CNTNAP2: variants seen among roughly 807,000 people sequenced by gnomAD.
CNTNAP2 encodes contactin associated protein 2, also known as contactin-associated protein-like 2.
Under a neutral mutation model 155.2 loss-of-function variants are expected in CNTNAP2, and 98 were observed. The ratio of observed to expected loss-of-function variants is 0.63; its 90% CI spans 0.54 to 0.75. CNTNAP2 has a LOEUF of 0.75. Ranked by LOEUF, CNTNAP2 falls within the 30% of genes least tolerant of loss-of-function variation. The pLI, the probability that CNTNAP2 is intolerant of heterozygous loss-of-function variation, is 0.00. For missense variants in CNTNAP2, 1,727 were observed against 1,688.1 expected, an observed-to-expected ratio of 1.02 and a Z score of -0.40; for synonymous variants, 651 against 631.2, an observed-to-expected ratio of 1.03 and a Z score of -0.47.
chr7:146,528,878 A>C (rs1797728660), intron 1 of CNTNAP2, among the ~76,000 whole-genome samples: 1 of 152,188 alleles, frequency 6.6e-6, no homozygotes, highest in Non-Finnish European at 1.5e-5. Flanking sequence ...ATCACACTGC[A>C]GTTACAGAAA....
At chr7:147,390,407 C>A (rs1231107108) in intron 9 of CNTNAP2, among the ~76,000 whole-genome samples, 1 of 152,068 alleles carries the variant, frequency 6.6e-6, no homozygotes, top group Admixed American at 6.6e-5. Context: ...TGTAAGAGGC[C>A]AGTAATTTAG....
chr7:148,253,729 G>T lies in CNTNAP2; in HGVS notation c.3382-13304G>T, dbSNP rs1796411197. Among the ~76,000 whole-genome samples the T allele has an allele frequency of 2.0e-5, 3 of 152,310 alleles. No individual in the cohort carries two copies. In the South Asian group the frequency reaches 6.2e-4, roughly 32 times the overall value. On this transcript the variant is annotated intron_variant, in intron 20 of 23. Transcript: ENST00000361727. ...CATCTGTGCTCTGGGTGGCCCATGG[G>T]ATGAGTGTACTACTGGGCAGGTGTA...
chr7:147,711,358 T>C (rs1430351298), intron 13 of CNTNAP2, among the ~76,000 whole-genome samples: 1 of 152,176 alleles, frequency 6.6e-6, no homozygotes, highest in Non-Finnish European at 1.5e-5. Flanking sequence ...AGAGAGCTCA[T>C]GCATACATGA....
At chr7:146,247,315 G>C (rs140998657) in intron 1 of CNTNAP2, among the ~76,000 whole-genome samples, 87 of 152,286 alleles carry the variant, frequency 5.7e-4, no homozygotes, top group African/African-American at 2.0e-3. Flanking sequence ...AGCAGGTGCC[G>C]GAGGGCTAGA....
chr7:148,053,971 C>CT (rs531701824), intron 15 of CNTNAP2, among the ~76,000 whole-genome samples: 30,065 of 127,136 alleles, frequency 0.24, 3,923 homozygotes, highest in Middle Eastern at 0.32. Context: ...AATTCCACTT[C>CT]TTTTTTTTTT....
chr7:146,371,365 G>GT (rs58066282), intron 1 of CNTNAP2, among the ~76,000 whole-genome samples: 5,769 of 98,134 alleles, frequency 0.059, 869 homozygotes, highest in African/African-American at 0.2. Flanking sequence ...GCCAGTATTA[G>GT]TTTTTTTTTT....
At chr7:146,322,702 T>C (rs1439541715) in intron 1 of CNTNAP2, among the ~76,000 whole-genome samples, 1 of 138,362 alleles carries the variant, frequency 7.2e-6, no homozygotes, top group East Asian at 2.4e-4. Context: ...TCAATATTTG[T>C]TGAGTGAATA....
intron 21 of CNTNAP2, among the ~76,000 whole-genome samples, chr7:148,369,158 T>A (rs981388689): frequency 7.9e-4 from 49 of 62,188 alleles, no homozygotes; most frequent in South Asian, 6.0e-4. Flanking sequence ...ATTTTTATAT[T>A]TTTTTTAATT....
Position 147,503,456 on chromosome 7 carries a change from A to ACT in CNTNAP2, c.1777+17420_1777+17421dup, listed in dbSNP as rs536563470. Among the ~76,000 whole-genome samples, 679 of 151,874 alleles carry ACT rather than the reference A, an allele frequency of 4.5e-3. 3 individuals are homozygous for ACT. Among genetic ancestry groups the ACT allele is most frequent in the African/African-American group, 0.016 (646 of 41,392 alleles). The stretch of plus-strand genomic sequence containing the variant: ...TTGGGTGGAAGTGAGCTTTTGCAGG[A>ACT]CTCTCTACACCCCGCTTTGCCACAC... On this transcript the variant is annotated intron_variant, in intron 11 of 23. Coordinates refer to ENST00000361727, the MANE Select transcript of CNTNAP2 (RefSeq NM_014141.6).
intron 14 of CNTNAP2, among the ~76,000 whole-genome samples, chr7:147,936,296 T>C (rs1453328149): frequency 9.0e-6 from 1 of 111,622 alleles, no homozygotes; most frequent in Non-Finnish European, 2.0e-5. Flanking sequence ...ACGACATTTA[T>C]TTTATTTTTT....
At chr7:148,335,257 C>T (rs765530606) in intron 21 of CNTNAP2, among the ~76,000 whole-genome samples, 1 of 152,160 alleles carries the variant, frequency 6.6e-6, no homozygotes, top group Non-Finnish European at 1.5e-5. Flanking sequence ...TCTCTAATAC[C>T]TCAACTCATA....
intron 2 of CNTNAP2, among the ~76,000 whole-genome samples, chr7:146,826,618 G>T (rs1803405598): frequency 6.6e-6 from 1 of 152,008 alleles, no homozygotes; most frequent in African/African-American, 2.4e-5. Context: ...CACAGGAGGG[G>T]ATGTGCTAAT....
intron 1 of CNTNAP2, among the ~76,000 whole-genome samples, chr7:146,122,268 A>G (rs1398050726): frequency 6.6e-6 from 1 of 152,188 alleles, no homozygotes; most frequent in African/African-American, 2.4e-5. Flanking sequence ...CTCTGCACTA[A>G]TAGTGATAGC....
chr7:146,662,021 G>T (rs969498413), intron 1 of CNTNAP2, among the ~76,000 whole-genome samples: 6 of 152,004 alleles, frequency 3.9e-5, no homozygotes, highest in Admixed American at 2.0e-4. Flanking sequence ...TTTTAATGTA[G>T]TTTTAAACTG....
chr7:147,353,697 G>A (rs188315440), intron 9 of CNTNAP2, among the ~76,000 whole-genome samples: 1 of 151,920 alleles, frequency 6.6e-6, no homozygotes, highest in Non-Finnish European at 1.5e-5. Context: ...GTATTTCTGG[G>A]TCTAGATCCT....
intron 12 of CNTNAP2, among the ~76,000 whole-genome samples, chr7:147,581,970 T>A (rs1278228318): frequency 6.6e-6 from 1 of 152,168 alleles, no homozygotes; most frequent in Non-Finnish European, 1.5e-5. Flanking sequence ...CCTTGTGCTG[T>A]AAGATATGAA....
intron 1 of CNTNAP2, among the ~76,000 whole-genome samples, chr7:146,336,600 A>G (rs1476774267): frequency 2.0e-5 from 3 of 152,198 alleles, no homozygotes; most frequent in Non-Finnish European, 4.4e-5. Flanking sequence ...CTACGAAAGT[A>G]AAAAATGTAT....
At chr7:146,307,294 A>G (rs917139858) in intron 1 of CNTNAP2, among the ~76,000 whole-genome samples, 2 of 152,258 alleles carry the variant, frequency 1.3e-5, no homozygotes, top group African/African-American at 4.8e-5. Context: ...ACATCTTCAA[A>G]GAGAACTACA....
At chr7:147,821,849 A>G (rs544991975) in intron 13 of CNTNAP2, among the ~76,000 whole-genome samples, 1 of 152,182 alleles carries the variant, frequency 6.6e-6, no homozygotes, top group African/African-American at 2.4e-5. Context: ...GAAATGAAAA[A>G]CTACTAAAAG....
Sources: allele counts gnomAD v4.1 joint callset (sites outside exome capture counted in the v4.1 genomes callset), GRCh38; gene constraint gnomAD v4.1.1; transcripts MANE v1.5; gene names NCBI Gene and HGNC (gene_info 2026-07-23, HGNC 2026-07-21).